The following SHOC2 variants were observed in gnomAD, a reference collection of about 807,000 sequenced individuals.
SHOC2 encodes the protein SHOC2 leucine rich repeat scaffold protein, also known as leucine-rich repeat protein SHOC-2.
A neutral mutation model predicts 50.2 loss-of-function variants in SHOC2; 4 were observed. The ratio of observed to expected loss-of-function variants is 0.08; its 90% CI spans 0.04 to 0.18. SHOC2 has a LOEUF of 0.18. Ranked by LOEUF, SHOC2 falls within the 10% of genes least tolerant of loss-of-function variation. SHOC2 has a pLI of 1.00. For synonymous variants in SHOC2, 218 were observed against 244.5 expected (o/e 0.89, Z 1.01); for missense variants, 388 against 669.6 (o/e 0.58, Z 4.64).
chr10:110,998,401 A>G (rs1848308353), intron 3 of SHOC2, among the ~76,000 whole-genome samples: 1 of 152,120 alleles, frequency 6.6e-6, no homozygotes, highest in African/African-American at 2.4e-5. Context: ...CTCCTGAGGA[A>G]TTGACACGTC....
intron 1 of SHOC2, among the ~76,000 whole-genome samples, chr10:110,936,434 C>T (rs548919216): frequency 6.6e-6 from 1 of 152,102 alleles, no homozygotes; most frequent in East Asian, 1.9e-4. Context: ...TTGATTCCCT[C>T]CTCCTTCACA....
At chr10:110,942,207 A>T (rs1271157262) in intron 1 of SHOC2, among the ~76,000 whole-genome samples, 1 of 152,222 alleles carries the variant, frequency 6.6e-6, no homozygotes, top group Non-Finnish European at 1.5e-5. Flanking sequence ...GACATTTGTT[A>T]ATAATTCCAC....
intron 1 of SHOC2, among the ~76,000 whole-genome samples, chr10:110,945,526 A>G (rs1161035832): frequency 1.3e-5 from 2 of 152,182 alleles, no homozygotes; most frequent in African/African-American, 4.8e-5. Context: ...TAGAGTTCTG[A>G]TAAAGTTGAT....
intron 2 of SHOC2, among the ~76,000 whole-genome samples, chr10:110,980,622 T>G (rs1847958390): frequency 6.6e-6 from 1 of 152,206 alleles, no homozygotes; most frequent in Non-Finnish European, 1.5e-5. Context: ...AGAACAGTAC[T>G]CTGATTATCA....
At chr10:110,934,314 G>C (rs1458813334) in intron 1 of SHOC2, among the ~76,000 whole-genome samples, 2 of 152,032 alleles carry the variant, frequency 1.3e-5, no homozygotes, top group African/African-American at 2.4e-5. Context: ...AAGGAAAATA[G>C]AAACAACCTA....
intron 2 of SHOC2, among the ~76,000 whole-genome samples, chr10:110,983,695 C>A (rs1282701942): frequency 6.6e-6 from 1 of 152,170 alleles, no homozygotes; most frequent in Non-Finnish European, 1.5e-5. Flanking sequence ...TCCTCAGCAC[C>A]TACTAACCAC....
chr10:110,951,723 T>A (rs1474712083), intron 1 of SHOC2: 2 of 152,176 alleles, frequency 1.3e-5, no homozygotes, highest in African/African-American at 4.8e-5. Flanking sequence ...ATTGGTGACA[T>A]GATCTGATCT....
intron 1 of SHOC2, among the ~76,000 whole-genome samples, chr10:110,946,436 T>G (rs1177921726): frequency 6.6e-6 from 1 of 150,632 alleles, no homozygotes; most frequent in Admixed American, 6.7e-5. Context: ...CTTTCACAGT[T>G]TTCACATTCA....
At chr10:110,986,461 GTATTTTAA>G (rs1328394128) in intron 3 of SHOC2, among the ~76,000 whole-genome samples, 7 of 151,930 alleles carry the variant, frequency 4.6e-5, no homozygotes, top group African/African-American at 1.4e-4. Flanking sequence ...TGAATATTTA[GTATTTTAA>G]TTTTTTAATT....
chr10:110,922,040 G>A (rs1846663163), intron 1 of SHOC2, among the ~76,000 whole-genome samples: 1 of 151,926 alleles, frequency 6.6e-6, no homozygotes, highest in South Asian at 2.1e-4. Flanking sequence ...GTTGTAGCAA[G>A]TAAAAGGTCA....
At chr10:110,951,302 A>C (rs1371447229) in intron 1 of SHOC2, among the ~76,000 whole-genome samples, 2 of 152,192 alleles carry the variant, frequency 1.3e-5, no homozygotes, top group African/African-American at 4.8e-5. Context: ...TCATCAGGGA[A>C]ATGCAAATAA....
chr10:110,931,671 T>C (rs1330514818), intron 1 of SHOC2, among the ~76,000 whole-genome samples: 1 of 152,178 alleles, frequency 6.6e-6, no homozygotes, highest in Non-Finnish European at 1.5e-5. Context: ...TGTTCATTTA[T>C]CATGTTATTA....
Position 110,941,072 on chromosome 10 carries a change from C to A in SHOC2, c.-235+21415C>A, listed in dbSNP as rs77321570. On this transcript the variant is annotated intron_variant, in intron 1 of 8. Transcript: ENST00000369452. The stretch of plus-strand genomic sequence containing the variant: ...TCGGCCTCCCAAGTAGCTGAGACAA[C>A]AGGTACATGCCACCATACCCAACTA... Among the ~76,000 whole-genome samples, 736 of 151,900 alleles carry A rather than the reference C, an allele frequency of 4.8e-3. 6 individuals carry two copies. The highest frequency in any genetic ancestry group is 0.017 in the African/African-American group (695 of 41,426).
chr10:111,001,312 G>A (rs560491071), intron 4 of SHOC2, among the ~76,000 whole-genome samples: 2 of 151,524 alleles, frequency 1.3e-5, no homozygotes, highest in South Asian at 2.1e-4. Context: ...GCACTACCAC[G>A]CCCGGTTAAT....
chr10:110,940,523 T>C (rs1847115777), intron 1 of SHOC2, among the ~76,000 whole-genome samples: 1 of 152,204 alleles, frequency 6.6e-6, no homozygotes, highest in Non-Finnish European at 1.5e-5. Flanking sequence ...TTTGCATGTA[T>C]CATGTATGTA....
intron 1 of SHOC2, among the ~76,000 whole-genome samples, chr10:110,923,377 T>A: frequency 6.6e-6 from 1 of 152,118 alleles, no homozygotes; most frequent in East Asian, 1.9e-4. Flanking sequence ...ATTATTTTAA[T>A]ATAAATTAAT....
At chr10:110,967,441 C>G (rs956191792) in intron 2 of SHOC2, among the ~76,000 whole-genome samples, 1 of 152,052 alleles carries the variant, frequency 6.6e-6, no homozygotes, top group Non-Finnish European at 1.5e-5. Context: ...CACAAGATTG[C>G]GGGGGAGGAT....
At chr10:110,990,287 C>T (rs903999398) in intron 3 of SHOC2, among the ~76,000 whole-genome samples, 1 of 152,050 alleles carries the variant, frequency 6.6e-6, no homozygotes, top group Non-Finnish European at 1.5e-5. Context: ...ATACACCAAT[C>T]AGCACCCTGT....
chr10:111,009,390 A>C lies in SHOC2; in HGVS notation c.1422+5A>C. The C allele has an allele frequency of 6.2e-7, 1 of 1,605,442 alleles. No homozygotes were observed. Among genetic ancestry groups the C allele is most frequent in the Non-Finnish European group, 8.5e-7 (1 of 1,172,848 alleles). On this transcript the variant is annotated splice_donor_5th_base_variant and intron_variant, in intron 7 of 8. Coordinates refer to ENST00000369452, the MANE Select transcript of SHOC2 (RefSeq NM_007373.4). ...GCATATCTTAAGGATTTACAGGTAA[A>C]CATTATGCTGATTTTGTAGTTTTAT...
Sources: gnomAD v4.1 joint callset for allele counts (sites outside exome capture counted in the v4.1 genomes callset) on GRCh38, gnomAD v4.1.1 for gene constraint, MANE v1.5 for transcripts, NCBI Gene and HGNC (gene_info 2026-07-23, HGNC 2026-07-21) for gene names.